Variants in XPO7 observed in about 807,000 individuals in gnomAD.
XPO7 encodes the protein exportin 7.
Under a neutral mutation model 144.3 loss-of-function variants are expected in XPO7, and 21 were observed. The ratio of observed to expected loss-of-function variants is 0.15; its 90% CI spans 0.10 to 0.21. The LOEUF is 0.21. XPO7 is among the 10% of genes least tolerant of loss of function. XPO7 has a pLI of 1.00. For synonymous variants in XPO7, 580 were observed against 499.6 expected (o/e 1.16, Z -2.15); for missense variants, 808 against 1,325.8 (o/e 0.61, Z 6.06).
chr8:21,982,881 C>T (rs538496847), intron 11 of XPO7, 69 bp downstream of exon 11: 827 of 1,504,030 alleles, frequency 5.5e-4, no homozygotes, highest in Non-Finnish European at 6.7e-4. Context: ...AGATCAGACA[C>T]CCCATTGGCA....
At chr8:21,952,180 G>A (rs1459378199) in intron 1 of XPO7, among the ~76,000 whole-genome samples, 1 of 152,144 alleles carries the variant, frequency 6.6e-6, no homozygotes, top group African/African-American at 2.4e-5. Context: ...AAAACTATTA[G>A]GAATATTCAA....
Position 22,005,378 on chromosome 8 carries a change from G to A in XPO7, c.*290G>A, listed in dbSNP as rs1037123914. The A allele has an allele frequency of 6.1e-5, 17 of 277,150 alleles. No homozygotes were observed. Among genetic ancestry groups the A allele is most frequent in the South Asian group, 4.5e-4 (3 of 6,688 alleles). 17.2% of individuals were successfully genotyped at this position (277,150 alleles called of 1,614,324 possible). ...CCTCCTGGGGCCACCCAAGTGGGGA[G>A]AACCCCTAGTGTCCTGCCACAACCT... On this transcript the variant is annotated 3_prime_UTR_variant, in exon 28 of 28. Transcript: ENST00000252512.
intron 1 of XPO7, among the ~76,000 whole-genome samples, chr8:21,942,187 G>A (rs1209991149): frequency 1.3e-5 from 2 of 152,148 alleles, no homozygotes; most frequent in Non-Finnish European, 1.5e-5. Context: ...TGTTTAAAGT[G>A]GTGCAGGACT....
intron 17 of XPO7, 54 bp downstream of exon 17, chr8:21,990,461 T>C (rs1453388889): frequency 1.9e-6 from 3 of 1,591,390 alleles, no homozygotes; most frequent in African/African-American, 2.7e-5. Flanking sequence ...ACATACACTT[T>C]CTCGACACAT....
At chr8:21,922,771 G>T (rs1810330900) in intron 1 of XPO7, among the ~76,000 whole-genome samples, 1 of 152,162 alleles carries the variant, frequency 6.6e-6, no homozygotes, top group Non-Finnish European at 1.5e-5. Context: ...ATAAATAATG[G>T]AAATGAAGAC....
chr8:21,931,808 C>G (rs1810659242), intron 1 of XPO7, among the ~76,000 whole-genome samples: 1 of 152,170 alleles, frequency 6.6e-6, no homozygotes, highest in African/African-American at 2.4e-5. Context: ...CCTCTATCAA[C>G]TGTTGTTTCA....
intron 1 of XPO7, among the ~76,000 whole-genome samples, chr8:21,950,535 C>T (rs558406415): frequency 6.6e-6 from 1 of 152,178 alleles, no homozygotes; most frequent in Non-Finnish European, 1.5e-5. Flanking sequence ...GGTGTTTTCA[C>T]TTAAGCTGCT....
chr8:21,948,315 C>A (rs1254092393), intron 1 of XPO7, among the ~76,000 whole-genome samples: 1 of 152,154 alleles, frequency 6.6e-6, no homozygotes, highest in Non-Finnish European at 1.5e-5. Context: ...TTTAAACATA[C>A]CTGCTTAGGT....
chr8:22,002,383 C>A, intron 25 of XPO7, 111 bp downstream of exon 25: 3 of 1,314,982 alleles, frequency 2.3e-6, no homozygotes, highest in Non-Finnish European at 3.1e-6. Context: ...CAGGTTCCTG[C>A]TGCTGAGATG....
chr8:21,987,805 G>A lies in XPO7; in HGVS notation c.1735G>A (p.Val579Ile). 6.2e-7 allele frequency: 1 copy of A among 1,613,946 alleles called. No individual in the cohort carries two copies. The highest frequency in any genetic ancestry group is 8.5e-7 in the Non-Finnish European group (1 of 1,179,822). ...SSKLYRRLSEVLGLNDETMVL... is the reference protein window; with the variant it reads ...SSKLYRRLSEILGLNDETMVL... ...CCAGCTGTACCGCCGACTCTCAGAA[G>A]TTCTGGGCTTGAATGATGAGACCAT... is the stretch of plus-strand genomic sequence containing the variant. Residue 579 changes from valine (V) to isoleucine (I), a missense_variant, in exon 15 of 28, where the codon GTT becomes ATT. By Grantham distance (29) the Val-to-Ile change is conservative. Around this residue, in one of 5 missense-constraint regions of XPO7, gnomAD observed 416 missense variants for 612.5 expected, o/e 0.68. Transcript: ENST00000252512.
intron 1 of XPO7, 86 bp from the exon 2 acceptor site, chr8:21,966,771 A>G: frequency 1.3e-6 from 2 of 1,502,638 alleles, no homozygotes; most frequent in Non-Finnish European, 1.8e-6. Flanking sequence ...ACTGATTATT[A>G]TTTATCTTTG....
chr8:21,941,525 T>A (rs1810994299), intron 1 of XPO7, among the ~76,000 whole-genome samples: 1 of 152,246 alleles, frequency 6.6e-6, no homozygotes, highest in Non-Finnish European at 1.5e-5. Context: ...ATAGTTGTTA[T>A]ACTGTATTGT....
chr8:21,950,967 C>CA lies in XPO7; in HGVS notation c.19-15879dup, dbSNP rs879852105. On this transcript the variant is annotated intron_variant, in intron 1 of 27. Transcript: ENST00000252512. ...CAAAACCTCGACTCTACAAAAAATA[C>CA]AAAAAAAAAAATTAGTTGGGCGCGG... is the stretch of plus-strand genomic sequence containing the variant. Among the ~76,000 whole-genome samples the CA allele has an allele frequency of 8.4e-3, 1,203 of 143,364 alleles. 15 individuals are homozygous for CA. The highest frequency in any genetic ancestry group is 0.039 in the Admixed American group (568 of 14,408). 94.1% of individuals were successfully genotyped at this position (143,364 alleles called of 152,430 possible). A position where few individuals can be genotyped will look rare whatever the true frequency, so the allele number is the denominator to read the frequency against.
chr8:21,957,179 G>A (rs1295043035), intron 1 of XPO7, among the ~76,000 whole-genome samples: 1 of 151,336 alleles, frequency 6.6e-6, no homozygotes, highest in African/African-American at 2.4e-5. Context: ...CCTAGTGAGG[G>A]AAGACTCAGC....
chr8:21,971,121 C>G (rs551980065), intron 4 of XPO7, among the ~76,000 whole-genome samples: 26 of 152,302 alleles, frequency 1.7e-4, no homozygotes, highest in African/African-American at 5.1e-4. Flanking sequence ...TAGTTGCCCA[C>G]AGTATAGTCA....
intron 21 of XPO7, among the ~76,000 whole-genome samples, chr8:21,997,589 T>C (rs1430175874): frequency 6.6e-6 from 1 of 152,074 alleles, no homozygotes; most frequent in Non-Finnish European, 1.5e-5. Flanking sequence ...TGGGAGCAGG[T>C]CAGACCAGTG....
chr8:21,930,187 T>C (rs1810597765), intron 1 of XPO7, among the ~76,000 whole-genome samples: 1 of 152,244 alleles, frequency 6.6e-6, no homozygotes. Flanking sequence ...ACCCTAAATG[T>C]TCACCTATTT....
At chr8:21,963,609 C>T (rs959724456) in intron 1 of XPO7, among the ~76,000 whole-genome samples, 33 of 151,868 alleles carry the variant, frequency 2.2e-4, no homozygotes, top group African/African-American at 6.0e-4. Context: ...GCAGGAGAAT[C>T]GCTTGAACCC....
At chr8:21,981,006 T>C (rs967364636) in intron 9 of XPO7, among the ~76,000 whole-genome samples, 5 of 152,130 alleles carry the variant, frequency 3.3e-5, no homozygotes, top group African/African-American at 1.2e-4. Flanking sequence ...AAGCAGTTTA[T>C]TTCAAAATAT....
Sources: gnomAD v4.1 joint callset for allele counts (sites outside exome capture counted in the v4.1 genomes callset) on GRCh38, gnomAD v4.1.1 for gene constraint, gnomAD v4.1.1 regional missense constraint, MANE v1.5 for transcripts, NCBI Gene and HGNC (gene_info 2026-07-23, HGNC 2026-07-21) for gene names.